The following CNOT1 variants were observed in gnomAD, a reference collection of about 807,000 sequenced individuals.
The protein encoded by CNOT1 is CCR4-associated factor 1.
A neutral mutation model predicts 273.8 loss-of-function variants in CNOT1; 15 were observed. That is an observed-to-expected ratio of 0.05 (90% CI 0.04 to 0.08). The LOEUF is 0.08. Among genes scored for constraint, CNOT1 ranks in the 10% least tolerant of loss-of-function variants. CNOT1 has a pLI of 1.00. For synonymous variants in CNOT1, 1,022 were observed against 1,005.5 expected (o/e 1.02, Z -0.31); for missense variants, 1,644 against 2,912.2 (o/e 0.56, Z 10.02).
intron 2 of CNOT1, among the ~76,000 whole-genome samples, chr16:58,590,094 G>C (rs1435950068): frequency 6.6e-6 from 1 of 152,144 alleles, no homozygotes; most frequent in Non-Finnish European, 1.5e-5. Context: ...AAATAATTGA[G>C]CACAGTGTAT....
chr16:58,528,677 CCA>C, intron 43 of CNOT1, 29 bp from the exon 44 acceptor site: 2 of 1,536,628 alleles, frequency 1.3e-6, no homozygotes, highest in South Asian at 1.2e-5. Flanking sequence ...AAAAATATTT[CCA>C]CACTAAGGAA....
In CNOT1 at chr16:58,553,340, T is replaced by C. The variant is rs187123994; in HGVS notation, c.2970+442A>G. On this transcript the variant is annotated intron_variant, in intron 22 of 48. Coordinates refer to ENST00000317147, the MANE Select transcript of CNOT1 (RefSeq NM_016284.5). ...GAATCTAACGAGGTGGTAAGAAGCC[T>C]GTATTTTTAATAAACATGATCTAAG... 4.2e-3 allele frequency among the ~76,000 whole-genome samples: 633 copies of C among 152,248 alleles called. 5 individuals carry two copies. The highest frequency in any genetic ancestry group is 0.014 in the African/African-American group (592 of 41,538).
At chr16:58,555,719 T>C (rs770719234) in intron 20 of CNOT1, 65 bp downstream of exon 20, 55 of 1,596,838 alleles carry the variant, frequency 3.4e-5, no homozygotes, top group East Asian at 2.2e-4. Flanking sequence ...TCTAAAAACA[T>C]TGAAAAGGAC....
At position 58,583,157 on chromosome 16, in the gene CNOT1, C is replaced by A. The variant is rs754812675; in HGVS notation, c.832G>T (p.Val278Leu). Residue 278 changes from valine (V) to leucine (L), a missense_variant, in exon 9 of 49, where the codon GTG becomes TTG. By Grantham distance (32) the Val-to-Leu change is conservative. Transcript: ENST00000317147. Reference protein sequence around the residue: ...ASIEECRNIIVQFGVREVTAA... With the variant: ...ASIEECRNIILQFGVREVTAA... ...GTGACCTCCCGAACACCAAACTGCA[C>A]GATTATATTGCGACATTCTTCAATA... is the stretch of plus-strand genomic sequence containing the variant. 2.5e-6 allele frequency: 4 copies of A among 1,613,838 alleles called. No individual in the cohort carries two copies. The highest frequency in any genetic ancestry group is 1.1e-5 in the South Asian group (1 of 91,074).
chr16:58,619,458 C>T (rs187376883), intron 1 of CNOT1, among the ~76,000 whole-genome samples: 3 of 151,102 alleles, frequency 2.0e-5, no homozygotes, highest in Admixed American at 6.6e-5. Flanking sequence ...GACAGCGTCT[C>T]GCTCTGTCAC....
rs1214997711 is a variant in CNOT1, at chr16:58,545,343, G to A, written c.4137+18C>T. On this transcript the variant is annotated intron_variant, in intron 30 of 48. Coordinates refer to ENST00000317147, the MANE Select transcript of CNOT1 (RefSeq NM_016284.5). ...ATCACAAACTAGAAGCTGGGAGAAT[G>A]GAGCAGTGTTTACTTACTGTTGGAT... 1 of 1,608,302 alleles carries A rather than the reference G, an allele frequency of 6.2e-7. No individual in the cohort carries two copies. Among genetic ancestry groups the A allele is most frequent in the Non-Finnish European group, 8.5e-7 (1 of 1,177,768 alleles).
intron 44 of CNOT1, among the ~76,000 whole-genome samples, chr16:58,526,706 C>T (rs1300202233): frequency 6.6e-6 from 1 of 151,360 alleles, no homozygotes; most frequent in Non-Finnish European, 1.5e-5. Flanking sequence ...ATCCCAGCTG[C>T]TCGGGAGTCT....
intron 43 of CNOT1, among the ~76,000 whole-genome samples, chr16:58,529,958 A>G (rs563975607): frequency 1.3e-5 from 2 of 152,124 alleles, no homozygotes; most frequent in South Asian, 4.1e-4. Flanking sequence ...AGATAATACC[A>G]GGTATGGCAA....
At position 58,520,465 on chromosome 16, in the gene CNOT1, T is replaced by A; in HGVS notation, c.*493A>T. The A allele has an allele frequency of 6.2e-6, 1 of 160,852 alleles. No homozygotes were observed. The highest frequency in any genetic ancestry group is 1.4e-5 in the Non-Finnish European group (1 of 72,240). 10.0% of individuals were successfully genotyped at this position (160,852 alleles called of 1,614,324 possible). A position where few individuals can be genotyped will look rare whatever the true frequency, so the allele number is the denominator to read the frequency against. ...CATATCCAATTCTAGCACATCCACA[T>A]TTTTAATAACTTAGTGATTTTCAAG... is the stretch of plus-strand genomic sequence containing the variant. On this transcript the variant is annotated 3_prime_UTR_variant, in exon 49 of 49. Transcript: ENST00000317147.
intron 16 of CNOT1, 131 bp from the exon 17 acceptor site, chr16:58,560,493 C>T: frequency 7.0e-7 from 1 of 1,423,054 alleles, no homozygotes; most frequent in Admixed American, 2.9e-5. Flanking sequence ...AGTGCAGTAG[C>T]ACGATATCAA....
chr16:58,527,919 C>T, intron 44 of CNOT1: 1 of 257,540 alleles, frequency 3.9e-6, no homozygotes, highest in South Asian at 3.6e-5. Context: ...AGCTCAAAAC[C>T]AACCTGGCTG....
intron 2 of CNOT1, among the ~76,000 whole-genome samples, chr16:58,595,922 A>C (rs990055150): frequency 1.3e-5 from 2 of 152,246 alleles, no homozygotes; most frequent in Non-Finnish European, 2.9e-5. Flanking sequence ...GGAGAATAAA[A>C]AAGTGTAAAA....
chr16:58,532,728 G>T, intron 40 of CNOT1: 1 of 216,818 alleles, frequency 4.6e-6, no homozygotes, highest in African/African-American at 2.3e-5. Context: ...AATTTGTCTG[G>T]TCTGACATGA....
chr16:58,521,450 G>A, intron 47 of CNOT1, 133 bp from the exon 48 acceptor site: 2 of 841,444 alleles, frequency 2.4e-6, no homozygotes, highest in Non-Finnish European at 3.7e-6. Context: ...AGTAAAGACA[G>A]GTGGATTAAT....
intron 7 of CNOT1, 51 bp from the exon 8 acceptor site, chr16:58,585,557 C>G: frequency 1.9e-6 from 3 of 1,581,042 alleles, no homozygotes; most frequent in East Asian, 2.3e-5. Context: ...AACAAACAAT[C>G]CTCTTTTGCT....
Position 58,521,670 on chromosome 16 carries a change from A to C in CNOT1, c.6918-353T>G, listed in dbSNP as rs543942625. 3.8e-3 allele frequency among the ~76,000 whole-genome samples: 580 copies of C among 152,346 alleles called. 4 individuals carry two copies. The highest frequency in any genetic ancestry group is 6.0e-3 in the Non-Finnish European group (409 of 68,026). On this transcript the variant is annotated intron_variant, in intron 47 of 48. Transcript: ENST00000317147. ...GTAGTAATTTCCAGAATGAGCTCCCAGGCCGGGCACAGTGGCTCATGCCTG... is the reference window on the plus strand; with the variant it reads ...GTAGTAATTTCCAGAATGAGCTCCCCGGCCGGGCACAGTGGCTCATGCCTG...
At chr16:58,531,068 C>T (rs1039336526) in intron 42 of CNOT1, among the ~76,000 whole-genome samples, 2 of 152,194 alleles carry the variant, frequency 1.3e-5, no homozygotes, top group Non-Finnish European at 2.9e-5. Context: ...CTCAACTCTT[C>T]GCAAATAACC....
intron 1 of CNOT1, among the ~76,000 whole-genome samples, chr16:58,617,768 G>A (rs761163472): frequency 2.0e-5 from 3 of 152,182 alleles, no homozygotes; most frequent in Non-Finnish European, 2.9e-5. Flanking sequence ...GACTTTGGGA[G>A]GCTGAGTCAG....
intron 17 of CNOT1, 140 bp downstream of exon 17, chr16:58,560,072 A>G (rs1269570206): frequency 6.6e-7 from 1 of 1,515,816 alleles, no homozygotes. Context: ...CTATTTACAT[A>G]TCTCCTTTAA....
Sources: allele counts gnomAD v4.1 joint callset (sites outside exome capture counted in the v4.1 genomes callset), GRCh38; gene constraint gnomAD v4.1.1; transcripts MANE v1.5; gene names NCBI Gene and HGNC (gene_info 2026-07-23, HGNC 2026-07-21).